Variants in PDE9A observed in about 807,000 individuals in gnomAD.
PDE9A encodes high affinity cGMP-specific 3',5'-cyclic phosphodiesterase 9A.
A neutral mutation model predicts 87.4 loss-of-function variants in PDE9A; 60 were observed. The observed-to-expected ratio is 0.69, with a 90% CI of 0.56 to 0.85. The LOEUF is 0.85. PDE9A is among the 40% of genes least tolerant of loss of function. The probability of loss-of-function intolerance (pLI) is 0.00; values close to 1 mark genes in which losing one functional copy is unlikely to be tolerated. For synonymous variants in PDE9A, 272 were observed against 279.4 expected (o/e 0.97, Z 0.27); for missense variants, 665 against 779.0 (o/e 0.85, Z 1.74).
At chr21:42,718,393 T>C (rs910612207) in intron 4 of PDE9A, among the ~76,000 whole-genome samples, 41 of 151,952 alleles carry the variant, frequency 2.7e-4, no homozygotes, top group African/African-American at 9.6e-4. Context: ...GTGCCATTCT[T>C]TCTCACTAAT....
chr21:42,699,590 T>C (rs532515165), intron 4 of PDE9A, among the ~76,000 whole-genome samples: 66 of 151,408 alleles, frequency 4.4e-4, no homozygotes, highest in Non-Finnish European at 9.0e-4. Flanking sequence ...AGTCTGGTCC[T>C]GTCACCCAGG....
At chr21:42,684,815 CTGGGGCA>C (rs1387176673) in intron 1 of PDE9A, among the ~76,000 whole-genome samples, 3 of 152,102 alleles carry the variant, frequency 2.0e-5, no homozygotes, top group Non-Finnish European at 4.4e-5. Flanking sequence ...ACCGTTACCC[CTGGGGCA>C]AATACCAGTG....
rs1360978969 is a variant in PDE9A, at chr21:42,653,892, TC to T, written c.69+14del. 2.7e-6 allele frequency: 4 copies of T among 1,499,016 alleles called. No individual in the cohort carries two copies. Among genetic ancestry groups the T allele is most frequent in the Non-Finnish European group, 3.6e-6 (4 of 1,105,338 alleles). The allele number at this position is 1,499,016 out of a possible 1,614,324, so 92.9% of individuals were successfully genotyped here. ...ATGGACGCATTCAGAAGGTAGCCCC[TC>T]CCCCACCCAGACACCCCCTCCTCCC... is the stretch of plus-strand genomic sequence containing the variant. On this transcript the variant is annotated intron_variant, in intron 1 of 19. Coordinates refer to ENST00000291539, the MANE Select transcript of PDE9A (RefSeq NM_002606.3).
In PDE9A at chr21:42,695,258, G is replaced by A. The variant is rs1363785314; in HGVS notation, c.219-3710G>A. ...TCATAGCCCAACCATGATCAAATAA[G>A]GCTCCAGCATTCCTCCTTGGAGGGA... On this transcript the variant is annotated intron_variant, in intron 3 of 19. Transcript: ENST00000291539. The surrounding 1 kb of genome is among the most constrained non-coding windows in gnomAD (Gnocchi z 4.3). Among the ~76,000 whole-genome samples, 1 of 152,194 alleles carries A rather than the reference G, an allele frequency of 6.6e-6. No homozygotes were observed. The highest frequency in any genetic ancestry group is 2.4e-5 in the African/African-American group (1 of 41,458).
chr21:42,677,161 A>G (rs739326), intron 1 of PDE9A, among the ~76,000 whole-genome samples: 50,657 of 152,074 alleles, frequency 0.33, 9,555 homozygotes, highest in African/African-American at 0.53. Flanking sequence ...AACCACTTGG[A>G]GGGAAAGATT....
chr21:42,719,664 A>AATATTCCT (rs1216857243), intron 4 of PDE9A, among the ~76,000 whole-genome samples: 1 of 145,508 alleles, frequency 6.9e-6, no homozygotes, highest in African/African-American at 2.5e-5. Flanking sequence ...AAAAAAAAGA[A>AATATTCCT]ATATTCCTTC....
chr21:42,718,372 A>G (rs1026597813), intron 4 of PDE9A, among the ~76,000 whole-genome samples: 6 of 151,784 alleles, frequency 4.0e-5, no homozygotes, highest in African/African-American at 1.4e-4. Context: ...GTCAGCCATT[A>G]CGTGTTATAT....
chr21:42,730,657 A>G (rs1423739936), intron 4 of PDE9A, among the ~76,000 whole-genome samples: 1 of 152,212 alleles, frequency 6.6e-6, no homozygotes, highest in Non-Finnish European at 1.5e-5. Flanking sequence ...TTGTACTTTA[A>G]CAACAGACAT....
chr21:42,740,790 T>TAGAG (rs1404008982), intron 7 of PDE9A, among the ~76,000 whole-genome samples: 2 of 151,274 alleles, frequency 1.3e-5, no homozygotes, highest in Non-Finnish European at 2.9e-5. Context: ...GATAGATAGA[T>TAGAG]AGATAGATAA....
intron 4 of PDE9A, among the ~76,000 whole-genome samples, chr21:42,721,660 G>A (rs2050540507): frequency 6.6e-6 from 1 of 152,192 alleles, no homozygotes; most frequent in African/African-American, 2.4e-5. Flanking sequence ...TAGTTCAAGG[G>A]CAGTTGCAGG....
rs760188140 is a variant in PDE9A, at chr21:42,733,460, T to C, written c.568+34T>C. 3.0e-6 allele frequency: 4 copies of C among 1,329,028 alleles called. No homozygotes were observed. The African/African-American group carries it at 5.8e-5, about 19-fold the overall frequency. 82.3% of individuals were successfully genotyped at this position (1,329,028 alleles called of 1,614,324 possible). A position where few individuals can be genotyped will look rare whatever the true frequency, so the allele number is the denominator to read the frequency against. On this transcript the variant is annotated intron_variant, in intron 7 of 19. Transcript: ENST00000291539. ...CGTTTCTGTTTCCTTTTTGCTTCTC[T>C]GTCCTTTAACCTCTATTCAAATTAA...
Position 42,759,147 on chromosome 21 carries a change from A to G in PDE9A, c.897+62A>G. 1 of 1,178,814 alleles carries G rather than the reference A, an allele frequency of 8.5e-7. No homozygotes were observed. Among genetic ancestry groups the G allele is most frequent in the Non-Finnish European group, 1.3e-6 (1 of 788,976 alleles). The allele number at this position is 1,178,814 out of a possible 1,614,324, so 73.0% of individuals were successfully genotyped here. ...CGTGGTTTCATCCAGTTCCACAGGAATGGAGGGAATGGATCACCAGGGCAC... is the reference window on the plus strand; with the variant it reads ...CGTGGTTTCATCCAGTTCCACAGGAGTGGAGGGAATGGATCACCAGGGCAC... On this transcript the variant is annotated intron_variant, in intron 11 of 19. Transcript: ENST00000291539. This position sits in a 1 kb window ranked among gnomAD's most constrained non-coding sequence, Gnocchi z 7.2.
chr21:42,754,467 G>C (rs2054809135), intron 10 of PDE9A, among the ~76,000 whole-genome samples: 1 of 152,260 alleles, frequency 6.6e-6, no homozygotes, highest in Non-Finnish European at 1.5e-5. Flanking sequence ...AGAGTGCTCT[G>C]CTCTGAGAGC....
chr21:42,653,909 C>G, intron 1 of PDE9A, 26 bp downstream of exon 1: 1 of 1,352,358 alleles, frequency 7.4e-7, no homozygotes, highest in Non-Finnish European at 1.0e-6. Flanking sequence ...CCCAGACACC[C>G]CCTCCTCCCC....
rs745566154 is a variant in PDE9A, at chr21:42,769,174, A to AT, written c.1590+20dup. 11 of 1,608,926 alleles carry AT rather than the reference A, an allele frequency of 6.8e-6. No homozygotes were observed. The South Asian group carries it at 1.0e-4, about 15-fold the overall frequency. On this transcript the variant is annotated intron_variant, in intron 17 of 19. Coordinates refer to ENST00000291539, the MANE Select transcript of PDE9A (RefSeq NM_002606.3). Reference sequence around the variant, plus strand: ...GACCAAGGTGAGTAACTGTCACCACATGTCACACTTGCTTACACTCAGATA... The same window carrying AT: ...GACCAAGGTGAGTAACTGTCACCACATTGTCACACTTGCTTACACTCAGATA...
chr21:42,768,444 A>T, intron 16 of PDE9A, 152 bp downstream of exon 16: 1 of 1,086,614 alleles, frequency 9.2e-7, no homozygotes, highest in Non-Finnish European at 1.3e-6. Context: ...GTAAGCGTAC[A>T]TCAGAAACAA....
chr21:42,769,676 ACACAC>A (rs1269714396), intron 17 of PDE9A, among the ~76,000 whole-genome samples: 6 of 151,998 alleles, frequency 3.9e-5, no homozygotes, highest in South Asian at 2.1e-4. Flanking sequence ...ACACAAATGC[ACACAC>A]AGGCACACAC....
In PDE9A at chr21:42,694,563, T is replaced by C. The variant is rs1029181150; in HGVS notation, c.219-4405T>C. ...CTTAAAACTCTAGCTTCTTCTCTGCTCCTCATTCCAAACTAAACAAATTGT... is the reference window on the plus strand; with the variant it reads ...CTTAAAACTCTAGCTTCTTCTCTGCCCCTCATTCCAAACTAAACAAATTGT... On this transcript the variant is annotated intron_variant, in intron 3 of 19. Transcript: ENST00000291539. The surrounding 1 kb of genome is among the most constrained non-coding windows in gnomAD (Gnocchi z 5.3). Among the ~76,000 whole-genome samples, 2 of 152,222 alleles carry C rather than the reference T, an allele frequency of 1.3e-5. No homozygotes were observed. The highest frequency in any genetic ancestry group is 2.9e-5 in the Non-Finnish European group (2 of 68,032).
At chr21:42,655,802 G>T (rs540541284) in intron 1 of PDE9A, among the ~76,000 whole-genome samples, 323 of 152,240 alleles carry the variant, frequency 2.1e-3, no homozygotes, top group African/African-American at 7.4e-3. Context: ...GCGCCAGACG[G>T]GTCTCCAACC....
Sources: allele counts gnomAD v4.1 joint callset (sites outside exome capture counted in the v4.1 genomes callset), GRCh38; gene constraint gnomAD v4.1.1; non-coding constraint Gnocchi (gnomAD v3.1); transcripts MANE v1.5; gene names NCBI Gene and HGNC (gene_info 2026-07-23, HGNC 2026-07-21).